Variants in MCPH1 observed in about 807,000 individuals in gnomAD.
MCPH1 encodes the protein microcephalin.
MCPH1 carries 104 observed loss-of-function variants against 84.5 expected under a neutral mutation model. The observed-to-expected ratio is 1.23, with a 90% CI of 1.05 to 1.45. The LOEUF (loss-of-function observed/expected upper bound fraction) is 1.45, where lower values mean the gene tolerates loss of function less well. Ranked by LOEUF, MCPH1 falls within the 40% of genes most tolerant of loss-of-function variation. MCPH1 has a pLI of 0.00. For synonymous variants in MCPH1, 514 were observed against 366.8 expected, an observed-to-expected ratio of 1.40 and a Z score of -4.58; for missense variants, 1,498 against 1,005.7, an observed-to-expected ratio of 1.49 and a Z score of -6.62.
At chr8:6,616,775 G>A (rs1329874935) in intron 12 of MCPH1, 1 of 152,278 alleles carries the variant, frequency 6.6e-6, no homozygotes, top group East Asian at 1.9e-4. Context: ...AATTCACTCT[G>A]ACTACTGAGC....
intron 12 of MCPH1, among the ~76,000 whole-genome samples, chr8:6,560,239 T>C (rs1308180149): frequency 6.6e-6 from 1 of 152,180 alleles, no homozygotes; most frequent in Non-Finnish European, 1.5e-5. Context: ...AAAAAATAGC[T>C]CAAAAGAAAA....
chr8:6,612,236 C>T (rs1434637101), intron 12 of MCPH1, among the ~76,000 whole-genome samples: 5 of 152,174 alleles, frequency 3.3e-5, no homozygotes, highest in Admixed American at 6.5e-5. Context: ...AGCACAGTGT[C>T]ACCCCCTCAC....
Position 6,416,958 on chromosome 8 carries a change from C to T in MCPH1, c.233+2075C>T, listed in dbSNP as rs117082247. On this transcript the variant is annotated intron_variant, in intron 3 of 13. Transcript: ENST00000344683. ...GCAGTGAACCAAGACCACGCCATTG[C>T]ACTTTAGCCTGGGCGACAAGAGCGG... Among the ~76,000 whole-genome samples the T allele has an allele frequency of 0.014, 2,193 of 151,612 alleles. 120 individuals carry two copies. The East Asian group carries it at 0.18, about 13-fold the overall frequency.
chr8:6,505,134 C>A (rs1031644796), intron 12 of MCPH1, among the ~76,000 whole-genome samples: 1 of 65,486 alleles, frequency 1.5e-5, no homozygotes, highest in East Asian at 7.0e-4. Flanking sequence ...TTTAGCCTTA[C>A]CCGTAATGCA....
In MCPH1 at chr8:6,414,878, G is replaced by T. The variant is rs2305022; in HGVS notation, c.228G>T (p.Val76=). 0.78 allele frequency: 1,260,771 copies of T among 1,612,258 alleles called. 498,967 individuals carry two copies. Among genetic ancestry groups the T allele is most frequent in the Admixed American group, 0.84 (50,082 of 59,858 alleles). The part of the protein sequence containing the change: ...RGVKLVSVLW[V]EKCRTAGAHI... ...TAAAGCTCGTTTCGGTGCTCTGGGTGGAAAAGTAAGCAGTTTCTCTCTTAC... is the reference window on the plus strand; with the variant it reads ...TAAAGCTCGTTTCGGTGCTCTGGGTTGAAAAGTAAGCAGTTTCTCTCTTAC... The change falls in exon 3 of 14, where the codon GTG becomes GTT. Residue 76 remains valine (V), a synonymous_variant. Transcript: ENST00000344683.
intron 13 of MCPH1, among the ~76,000 whole-genome samples, chr8:6,622,703 G>C (rs1831590651): frequency 6.6e-6 from 1 of 152,196 alleles, no homozygotes; most frequent in Non-Finnish European, 1.5e-5. Flanking sequence ...GCAGACAGCT[G>C]CCTTCTTCCT....
chr8:6,431,716 T>C (rs1801869735), intron 4 of MCPH1, 130 bp downstream of exon 4: 1 of 634,716 alleles, frequency 1.6e-6, no homozygotes, highest in Admixed American at 2.9e-5. Context: ...ATGATATTGT[T>C]CTTTTCACAT....
At chr8:6,517,744 G>C (rs1426365305) in intron 12 of MCPH1, among the ~76,000 whole-genome samples, 2 of 152,164 alleles carry the variant, frequency 1.3e-5, no homozygotes, top group African/African-American at 4.8e-5. Context: ...GGGAAACTGA[G>C]CTCTCAGAAA....
Position 6,542,339 on chromosome 8 carries a change from T to C in MCPH1, c.2214+42410T>C, listed in dbSNP as rs561260642. 1.6e-4 allele frequency among the ~76,000 whole-genome samples: 25 copies of C among 152,148 alleles called. No individual in the cohort carries two copies. The South Asian group carries it at 5.0e-3, about 30-fold the overall frequency. ...CTGTGTGTGTGTGTATGTATGTGTG[T>C]GTGTTTCAGTTCTCTAAGAAACAGA... On this transcript the variant is annotated intron_variant, in intron 12 of 13. Transcript: ENST00000344683.
chr8:6,498,079 C>A (rs980483296), intron 11 of MCPH1, among the ~76,000 whole-genome samples: 4 of 152,200 alleles, frequency 2.6e-5, no homozygotes, highest in Admixed American at 1.3e-4. Context: ...TTCACAGATG[C>A]AGTTCCTATT....
At chr8:6,523,112 C>G (rs1817673740) in intron 12 of MCPH1, among the ~76,000 whole-genome samples, 2 of 152,040 alleles carry the variant, frequency 1.3e-5, no homozygotes, top group South Asian at 4.2e-4. Context: ...ATTCTCCTGC[C>G]TCAGTCTCCC....
intron 12 of MCPH1, among the ~76,000 whole-genome samples, chr8:6,515,257 C>G (rs2129567965): frequency 6.6e-6 from 1 of 152,262 alleles, no homozygotes; most frequent in East Asian, 1.9e-4. Context: ...ACTCTTTGAT[C>G]ATAGGGTTTG....
chr8:6,423,121 A>G (rs1189099600), intron 3 of MCPH1, among the ~76,000 whole-genome samples: 1 of 149,610 alleles, frequency 6.7e-6, no homozygotes, highest in Non-Finnish European at 1.5e-5. Context: ...GTGCCTGGCA[A>G]AAGCACACTT....
At chr8:6,585,682 T>A (rs1433152058) in intron 12 of MCPH1, among the ~76,000 whole-genome samples, 2 of 152,228 alleles carry the variant, frequency 1.3e-5, no homozygotes, top group African/African-American at 4.8e-5. Context: ...TAAATATCCT[T>A]CCTTCCATAT....
rs1334107234 is a variant in MCPH1, at chr8:6,477,533, T to G, written c.1936-61T>G. On this transcript the variant is annotated intron_variant, in intron 9 of 13. Transcript: ENST00000344683. ...AAAAACTTATTACAGTTTATTTCTGTGGGAAAAATATTTTTTATGTTTTTG... is the reference window on the plus strand; with the variant it reads ...AAAAACTTATTACAGTTTATTTCTGGGGGAAAAATATTTTTTATGTTTTTG... 10 of 1,464,502 alleles carry G rather than the reference T, an allele frequency of 6.8e-6. 1 individual carries two copies. Among genetic ancestry groups the G allele is most frequent in the Non-Finnish European group, 4.8e-6 (5 of 1,048,300 alleles). The allele number at this position is 1,464,502 out of a possible 1,614,324, so 90.7% of individuals were successfully genotyped here. A position where few individuals can be genotyped will look rare whatever the true frequency, so the allele number is the denominator to read the frequency against.
intron 3 of MCPH1, among the ~76,000 whole-genome samples, chr8:6,428,451 AC>A (rs1291871811): frequency 2.6e-5 from 4 of 152,206 alleles, no homozygotes; most frequent in African/African-American, 7.2e-5. Context: ...GAGTTGTGCA[AC>A]CGTCACCACA....
chr8:6,615,908 A>G (rs1830741632), intron 12 of MCPH1: 1 of 152,128 alleles, frequency 6.6e-6, no homozygotes, highest in Non-Finnish European at 1.5e-5. Context: ...CAGTAAAGTT[A>G]TTGATGAGAT....
At chr8:6,612,353 G>T (rs1179632858) in intron 12 of MCPH1, among the ~76,000 whole-genome samples, 2 of 152,056 alleles carry the variant, frequency 1.3e-5, no homozygotes, top group African/African-American at 4.8e-5. Context: ...CCACTTCCCG[G>T]GCGTGATAAC....
intron 12 of MCPH1, among the ~76,000 whole-genome samples, chr8:6,517,867 A>G (rs1355703197): frequency 6.6e-6 from 1 of 152,216 alleles, no homozygotes; most frequent in Non-Finnish European, 1.5e-5. Flanking sequence ...CTGGAAGGGA[A>G]TTTAGAAGTA....
Sources: gnomAD v4.1 joint callset for allele counts (sites outside exome capture counted in the v4.1 genomes callset) on GRCh38, gnomAD v4.1.1 for gene constraint, MANE v1.5 for transcripts, NCBI Gene and HGNC (gene_info 2026-07-23, HGNC 2026-07-21) for gene names.